The following SLCO2A1 variants were observed in gnomAD, a reference collection of about 807,000 sequenced individuals.
SLCO2A1 encodes matrin F/G 1.
Under a neutral mutation model 71.7 loss-of-function variants are expected in SLCO2A1, and 60 were observed. That is an observed-to-expected ratio of 0.84 (90% CI 0.68 to 1.04). The LOEUF is 1.04. Ranked by LOEUF, SLCO2A1 falls within the 50% of genes least tolerant of loss-of-function variation. The pLI is 0.00. For missense variants in SLCO2A1, 745 were observed against 813.4 expected (o/e 0.92, Z 1.02); for synonymous variants, 308 against 326.7 (o/e 0.94, Z 0.62).
intron 12 of SLCO2A1, among the ~76,000 whole-genome samples, chr3:133,937,885 C>T (rs1363739909): frequency 1.3e-5 from 2 of 152,216 alleles, no homozygotes; most frequent in Non-Finnish European, 2.9e-5. Flanking sequence ...CTCCTGCTGC[C>T]TCAAGCAGCT....
intron 3 of SLCO2A1, among the ~76,000 whole-genome samples, chr3:133,967,450 T>C (rs1934208353): frequency 6.6e-6 from 1 of 152,198 alleles, no homozygotes; most frequent in Non-Finnish European, 1.5e-5. Flanking sequence ...TCCCGGGCCT[T>C]CTCTACCGCA....
At chr3:133,945,377 T>C (rs1933548443) in intron 9 of SLCO2A1, 117 bp from the exon 10 acceptor site, 13 of 1,033,446 alleles carry the variant, frequency 1.3e-5, no homozygotes, top group Middle Eastern at 2.6e-4. Flanking sequence ...TTTATTTCTT[T>C]TGGGCCAGTG....
chr3:133,959,783 G>A (rs1354944544), intron 3 of SLCO2A1, among the ~76,000 whole-genome samples: 1 of 151,946 alleles, frequency 6.6e-6, no homozygotes, highest in Admixed American at 6.6e-5. Flanking sequence ...CCAAGATCCT[G>A]CCACTGCCTG....
intron 1 of SLCO2A1, among the ~76,000 whole-genome samples, chr3:134,009,022 G>A (rs7625035): frequency 0.75 from 114,416 of 152,092 alleles, 43,255 homozygotes; most frequent in Non-Finnish European, 0.79. Context: ...TCAGGTAATC[G>A]GAGAAGAGCC....
intron 1 of SLCO2A1, among the ~76,000 whole-genome samples, chr3:133,983,223 C>A (rs1934633924): frequency 6.6e-6 from 1 of 152,136 alleles, no homozygotes; most frequent in African/African-American, 2.4e-5. Context: ...CTTAGTACCC[C>A]GACATTACAT....
At chr3:134,029,628 C>A in intron 1 of SLCO2A1, 79 bp downstream of exon 1, 2 of 1,240,056 alleles carry the variant, frequency 1.6e-6, no homozygotes, top group Admixed American at 2.2e-5. Flanking sequence ...CTCCTGGCTC[C>A]GGCAGACAGA....
intron 1 of SLCO2A1, among the ~76,000 whole-genome samples, chr3:134,017,979 T>C (rs1365241870): frequency 5.3e-5 from 8 of 152,288 alleles, no homozygotes; most frequent in Non-Finnish European, 1.0e-4. Context: ...AAATGAGCTA[T>C]CTATACTGCG....
At chr3:133,951,377 T>A in intron 5 of SLCO2A1, 33 bp from the exon 6 acceptor site, 1 of 1,611,776 alleles carries the variant, frequency 6.2e-7, no homozygotes, top group South Asian at 1.1e-5. Flanking sequence ...AAATGTTTGT[T>A]GAATGCATGA....
At chr3:133,955,283 T>C in intron 3 of SLCO2A1, 90 bp from the exon 4 acceptor site, 1 of 1,180,668 alleles carries the variant, frequency 8.5e-7, no homozygotes, top group Non-Finnish European at 1.2e-6. Context: ...CCAGGCCCCT[T>C]GGGGAAGGAC....
chr3:134,005,327 ATCT>A (rs748042915), intron 1 of SLCO2A1, among the ~76,000 whole-genome samples: 1 of 151,962 alleles, frequency 6.6e-6, no homozygotes, highest in Non-Finnish European at 1.5e-5. Flanking sequence ...CTTCTATTAC[ATCT>A]TCTTCTGTTT....
intron 3 of SLCO2A1, among the ~76,000 whole-genome samples, chr3:133,965,510 G>A (rs560046634): frequency 3.3e-5 from 5 of 152,314 alleles, no homozygotes; most frequent in East Asian, 3.9e-4. Flanking sequence ...ACAGTCCAAC[G>A]GCTGATAACT....
At position 133,942,590 on chromosome 3, in the gene SLCO2A1, A is replaced by G; in HGVS notation, c.1625+15T>C. On this transcript the variant is annotated intron_variant, in intron 11 of 13. Coordinates refer to ENST00000310926, the MANE Select transcript of SLCO2A1 (RefSeq NM_005630.3). The stretch of plus-strand genomic sequence containing the variant: ...GAGAAGCCACGCCCCAGACTCACAG[A>G]GGTTTGCCACTCACCGCAGAACCAT... The G allele has an allele frequency of 6.3e-7, 1 of 1,596,426 alleles. No homozygotes were observed. The highest frequency in any genetic ancestry group is 8.5e-7 in the Non-Finnish European group (1 of 1,170,040).
chr3:133,958,099 T>A (rs931909331), intron 3 of SLCO2A1, among the ~76,000 whole-genome samples: 1 of 152,088 alleles, frequency 6.6e-6, no homozygotes, highest in African/African-American at 2.4e-5. Flanking sequence ...ACCCTCCCAC[T>A]CAGGAATCTA....
At position 133,951,289 on chromosome 3, in the gene SLCO2A1, G is replaced by A; in HGVS notation, c.780C>T (p.Gly260=). Residue 260 remains glycine, a synonymous_variant, in exon 6 of 14, where the codon GGC becomes GGT. Transcript: ENST00000310926. ...CCAATAAAGCTGAAGAAATGAGCAG[G>A]CCTAGCCACCAGGCTCCAATCCATC... The part of the protein sequence containing the change: ...DPRWIGAWWL[G]LLISSALLVL... The A allele has an allele frequency of 6.2e-7, 1 of 1,614,174 alleles. No homozygotes were observed. The highest frequency in any genetic ancestry group is 8.5e-7 in the Non-Finnish European group (1 of 1,180,002).
At chr3:133,965,505 C>T (rs1373920243) in intron 3 of SLCO2A1, among the ~76,000 whole-genome samples, 2 of 152,188 alleles carry the variant, frequency 1.3e-5, no homozygotes. Flanking sequence ...ATTGGACAGT[C>T]CAACGGCTGA....
intron 3 of SLCO2A1, among the ~76,000 whole-genome samples, chr3:133,959,036 G>A (rs1477637662): frequency 6.6e-6 from 1 of 152,166 alleles, no homozygotes; most frequent in Non-Finnish European, 1.5e-5. Context: ...ATCAGCCTCT[G>A]TTCCCAGTTC....
chr3:133,967,806 GGCA>G (rs1934217588), intron 3 of SLCO2A1, among the ~76,000 whole-genome samples: 1 of 124,216 alleles, frequency 8.1e-6, no homozygotes, highest in African/African-American at 3.2e-5. Context: ...TCCCTTCACA[GGCA>G]CCCCACCCCA....
intron 3 of SLCO2A1, among the ~76,000 whole-genome samples, chr3:133,969,074 T>A (rs1292436528): frequency 1.3e-5 from 2 of 152,146 alleles, no homozygotes; most frequent in African/African-American, 4.8e-5. Flanking sequence ...GAATCAGTAA[T>A]CAACACAAGT....
At chr3:134,016,308 T>C (rs1380905057) in intron 1 of SLCO2A1, among the ~76,000 whole-genome samples, 2 of 151,558 alleles carry the variant, frequency 1.3e-5, no homozygotes, top group Admixed American at 6.6e-5. Flanking sequence ...GTGCCTAACA[T>C]ATATAAAGAA....
Sources: allele counts gnomAD v4.1 joint callset (sites outside exome capture counted in the v4.1 genomes callset), GRCh38; gene constraint gnomAD v4.1.1; transcripts MANE v1.5; gene names NCBI Gene and HGNC (gene_info 2026-07-23, HGNC 2026-07-21).